The following PTPRD variants were observed in gnomAD, a reference collection of about 807,000 sequenced individuals.
The protein encoded by PTPRD is receptor-type tyrosine-protein phosphatase delta.
Under a neutral mutation model 214.5 loss-of-function variants are expected in PTPRD, and 34 were observed. That is an observed-to-expected ratio of 0.16 (90% CI 0.12 to 0.21). The LOEUF (loss-of-function observed/expected upper bound fraction) is 0.21, where lower values mean the gene tolerates loss of function less well. Among genes scored for constraint, PTPRD ranks in the 10% least tolerant of loss-of-function variants. The pLI, the probability that PTPRD is intolerant of heterozygous loss-of-function variation, is 1.00. For missense variants in PTPRD, 2,545 were observed against 2,398.7 expected (o/e 1.06, Z -1.27); for synonymous variants, 1,128 against 845.7 (o/e 1.33, Z -5.79).
chr9:10,153,616 C>G (rs2099075640), intron 3 of PTPRD, among the ~76,000 whole-genome samples: 1 of 151,902 alleles, frequency 6.6e-6, no homozygotes, highest in African/African-American at 2.4e-5. Context: ...ACTGAGGTTT[C>G]TTGTACAGAT....
At chr9:8,608,198 C>T (rs1035978873) in intron 14 of PTPRD, among the ~76,000 whole-genome samples, 3 of 151,816 alleles carry the variant, frequency 2.0e-5, no homozygotes, top group African/African-American at 4.8e-5. Context: ...TACTGTTACC[C>T]TATTAACCCG....
chr9:9,864,753 A>G lies in PTPRD; in HGVS notation c.-368+73754T>C, dbSNP rs147719311. On this transcript the variant is annotated intron_variant, in intron 5 of 45. Transcript: ENST00000381196. Reference sequence around the variant, plus strand: ...AGGCTTGAACTGCTGGGCTCAAGCAATTCTCCCACCTTTGCCTCCCAGAGC... The same window carrying G: ...AGGCTTGAACTGCTGGGCTCAAGCAGTTCTCCCACCTTTGCCTCCCAGAGC... Among the ~76,000 whole-genome samples, 29 of 152,156 alleles carry G rather than the reference A, an allele frequency of 1.9e-4. No homozygotes were observed. In the East Asian group the frequency reaches 5.4e-3, roughly 28 times the overall value.
intron 9 of PTPRD, among the ~76,000 whole-genome samples, chr9:9,332,012 C>A (rs1368446031): frequency 1.3e-5 from 2 of 152,036 alleles, no homozygotes; most frequent in African/African-American, 4.8e-5. Context: ...AAAGGCTATG[C>A]TAATTACATA....
intron 11 of PTPRD, among the ~76,000 whole-genome samples, chr9:8,821,285 C>G (rs539136088): frequency 4.0e-5 from 6 of 151,654 alleles, no homozygotes; most frequent in African/African-American, 1.5e-4. Flanking sequence ...CTCTCTCTCT[C>G]TCTGTCTCTC....
chr9:10,070,197 A>G (rs907423286), intron 3 of PTPRD, among the ~76,000 whole-genome samples: 1 of 152,074 alleles, frequency 6.6e-6, no homozygotes, highest in Non-Finnish European at 1.5e-5. Flanking sequence ...CTTAGGCAAT[A>G]AACTGTCTGT....
At chr9:9,232,406 T>C (rs2099963666) in intron 9 of PTPRD, among the ~76,000 whole-genome samples, 1 of 152,210 alleles carries the variant, frequency 6.6e-6, no homozygotes, top group Non-Finnish European at 1.5e-5. Context: ...GCTAGTCATA[T>C]TCAATTAGCT....
chr9:9,840,195 G>A (rs1046754701), intron 5 of PTPRD, among the ~76,000 whole-genome samples: 1 of 151,910 alleles, frequency 6.6e-6, no homozygotes, highest in South Asian at 2.1e-4. Context: ...TCACCACCAC[G>A]CCCAGCTAAT....
chr9:9,723,144 A>G (rs1239467649), intron 7 of PTPRD, among the ~76,000 whole-genome samples: 1 of 152,028 alleles, frequency 6.6e-6, no homozygotes, highest in East Asian at 1.9e-4. Context: ...TAAGAATTTT[A>G]TAGTTTTGCC....
rs188655866 is a variant in PTPRD, at chr9:9,119,560, C to T, written c.-143+63744G>A. On this transcript the variant is annotated intron_variant, in intron 10 of 45. Coordinates refer to ENST00000381196, the MANE Select transcript of PTPRD (RefSeq NM_002839.4). ...GATTTTTTTTTTTTTTAAGAAGTCT[C>T]AGTCTGTAGCCCAAGCTGGAGTGCA... 6.0e-5 allele frequency among the ~76,000 whole-genome samples: 9 copies of T among 150,960 alleles called. No homozygotes were observed. The East Asian group carries it at 1.6e-3, about 26-fold the overall frequency.
chr9:8,636,873 A>T (rs758893274), intron 12 of PTPRD, 29 bp from the exon 13 acceptor site: 1 of 1,606,026 alleles, frequency 6.2e-7, no homozygotes, highest in Non-Finnish European at 8.5e-7. Context: ...ATCACAGTTA[A>T]ATTGAAAACT....
chr9:9,469,447 G>C (rs144541226), intron 8 of PTPRD, among the ~76,000 whole-genome samples: 1 of 152,236 alleles, frequency 6.6e-6, no homozygotes, highest in East Asian at 1.9e-4. Context: ...TTGGGTTCCA[G>C]AAAGCCTCTG....
rs566178806 is a variant in PTPRD, at chr9:9,091,068, C to T, written c.-142-72333G>A. On this transcript the variant is annotated intron_variant, in intron 10 of 45. Coordinates refer to ENST00000381196, the MANE Select transcript of PTPRD (RefSeq NM_002839.4). ...CAGTCAGGGACATTTCTGAAGCGAG[C>T]GTCTTCGATGCCTATGTGCTTCCCA... The T allele has an allele frequency of 1.2e-4, 186 of 1,495,158 alleles. No homozygotes were observed. In the African/African-American group the frequency reaches 2.1e-3, roughly 17 times the overall value. 92.6% of individuals were successfully genotyped at this position (1,495,158 alleles called of 1,614,324 possible). A position where few individuals can be genotyped will look rare whatever the true frequency, so the allele number is the denominator to read the frequency against.
chr9:8,893,353 A>T (rs2098558556), intron 11 of PTPRD, among the ~76,000 whole-genome samples: 2 of 152,184 alleles, frequency 1.3e-5, no homozygotes, highest in South Asian at 2.1e-4. Flanking sequence ...CCACCTGCAA[A>T]ATACGAAGGG....
chr9:9,144,119 C>T (rs997717278), intron 10 of PTPRD, among the ~76,000 whole-genome samples: 1 of 152,106 alleles, frequency 6.6e-6, no homozygotes, highest in Non-Finnish European at 1.5e-5. Flanking sequence ...CCATATAATA[C>T]GTCAACATTT....
chr9:9,612,604 G>T (rs947075233), intron 7 of PTPRD, among the ~76,000 whole-genome samples: 2 of 151,760 alleles, frequency 1.3e-5, no homozygotes, highest in Admixed American at 1.3e-4. Flanking sequence ...GATGCTGATG[G>T]AATCATAACC....
intron 12 of PTPRD, chr9:8,713,854 C>G (rs1477581856): frequency 3.1e-6 from 4 of 1,291,716 alleles, no homozygotes; most frequent in East Asian, 2.5e-5. Flanking sequence ...GCAGGGCCCT[C>G]GCCCGGGTGC....
At chr9:9,593,959 G>A (rs886355589) in intron 7 of PTPRD, among the ~76,000 whole-genome samples, 1 of 152,050 alleles carries the variant, frequency 6.6e-6, no homozygotes, top group Non-Finnish European at 1.5e-5. Context: ...GAGAAAAGGG[G>A]ATTGGAGCCC....
At chr9:10,125,418 TTTATTTTA>T (rs1452597640) in intron 3 of PTPRD, among the ~76,000 whole-genome samples, 1 of 138,170 alleles carries the variant, frequency 7.2e-6, no homozygotes, top group Non-Finnish European at 1.5e-5. Context: ...TTTATTTTGT[TTTATTTTA>T]TTATTATTAT....
chr9:8,358,420 T>G (rs781606593), intron 39 of PTPRD, among the ~76,000 whole-genome samples: 5 of 152,208 alleles, frequency 3.3e-5, no homozygotes, highest in Non-Finnish European at 7.3e-5. Context: ...GATGTACTCA[T>G]TTTATGAAAG....
Sources: allele counts gnomAD v4.1 joint callset (sites outside exome capture counted in the v4.1 genomes callset), GRCh38; gene constraint gnomAD v4.1.1; transcripts MANE v1.5; gene names NCBI Gene and HGNC (gene_info 2026-07-23, HGNC 2026-07-21).